The following CSMD1 variants were observed in gnomAD, a reference collection of about 807,000 sequenced individuals.
CSMD1 encodes CUB and Sushi multiple domains 1.
A neutral mutation model predicts 417.5 loss-of-function variants in CSMD1; 213 were observed. That is an observed-to-expected ratio of 0.51 (90% CI 0.46 to 0.57). The LOEUF (loss-of-function observed/expected upper bound fraction) is 0.57. Among genes scored for constraint, CSMD1 ranks in the 20% least tolerant of loss-of-function variants. The probability of loss-of-function intolerance (pLI) is 0.00; values close to 1 mark genes in which losing one functional copy is unlikely to be tolerated. For synonymous variants in CSMD1, 2,862 were observed against 1,736.8 expected (o/e 1.65, Z -16.11); for missense variants, 6,923 against 4,529.7 (o/e 1.53, Z -15.17).
intron 25 of CSMD1, among the ~76,000 whole-genome samples, chr8:3,287,981 A>G (rs1027656899): frequency 6.8e-5 from 10 of 146,990 alleles, no homozygotes; most frequent in Non-Finnish European, 1.0e-4. Context: ...CGTCCCATCA[A>G]TACCTTATTT....
intron 3 of CSMD1, among the ~76,000 whole-genome samples, chr8:4,194,629 C>G (rs947703123): frequency 6.6e-6 from 1 of 152,058 alleles, no homozygotes; most frequent in African/African-American, 2.4e-5. Flanking sequence ...TCATACATCT[C>G]CCACATTTTC....
At chr8:3,760,471 C>G (rs946029510) in intron 5 of CSMD1, among the ~76,000 whole-genome samples, 1 of 152,176 alleles carries the variant, frequency 6.6e-6, no homozygotes, top group Non-Finnish European at 1.5e-5. Context: ...TTGTACCATA[C>G]ATTTTAGGAT....
Position 3,203,803 on chromosome 8 carries a change from T to G in CSMD1, c.4984+1701A>C, listed in dbSNP as rs530419512. The stretch of plus-strand genomic sequence containing the variant: ...GCTTTTGGATGAGAATAGAGGAAAC[T>G]GGGTTATCTGAAGACCTGTCTTATT... On this transcript the variant is annotated intron_variant, in intron 31 of 69. Coordinates refer to ENST00000635120, the MANE Select transcript of CSMD1 (RefSeq NM_033225.6). Among the ~76,000 whole-genome samples the G allele has an allele frequency of 2.0e-5, 3 of 152,298 alleles. No homozygotes were observed. In the East Asian group the frequency reaches 5.8e-4, roughly 29 times the overall value.
At chr8:3,403,115 G>C (rs1812138909) in intron 15 of CSMD1, among the ~76,000 whole-genome samples, 1 of 152,130 alleles carries the variant, frequency 6.6e-6, no homozygotes. Context: ...GAATATTACA[G>C]GGCATGAGAC....
intron 3 of CSMD1, among the ~76,000 whole-genome samples, chr8:4,293,989 T>C (rs374465929): frequency 3.3e-5 from 5 of 152,200 alleles, no homozygotes; most frequent in South Asian, 2.1e-4. Flanking sequence ...ACTTACCAAA[T>C]AGTGTGTATA....
intron 3 of CSMD1, among the ~76,000 whole-genome samples, chr8:4,417,904 G>A (rs1414713590): frequency 6.6e-6 from 1 of 151,932 alleles, no homozygotes; most frequent in African/African-American, 2.4e-5. Flanking sequence ...AAGTTTATGT[G>A]TAAAGTATTT....
At chr8:4,957,881 A>C (rs1163133329) in intron 1 of CSMD1, among the ~76,000 whole-genome samples, 2 of 152,162 alleles carry the variant, frequency 1.3e-5, no homozygotes, top group Admixed American at 1.3e-4. Flanking sequence ...GCAATATGGA[A>C]GTGTGGATTG....
Position 4,272,368 on chromosome 8 carries a change from T to C in CSMD1, c.415+147585A>G, listed in dbSNP as rs150873521. Among the ~76,000 whole-genome samples the C allele has an allele frequency of 1.1e-4, 17 of 152,288 alleles. 1 individual carries two copies. The highest frequency in any genetic ancestry group is 3.6e-4 in the African/African-American group (15 of 41,568). On this transcript the variant is annotated intron_variant, in intron 3 of 69. Coordinates refer to ENST00000635120, the MANE Select transcript of CSMD1 (RefSeq NM_033225.6). ...TTATTCCACTAATTGCTGTACATCC[T>C]TTCACCTGAAGTCTCAGTTTCCAAG...
At chr8:4,417,861 CA>C (rs1188461222) in intron 3 of CSMD1, among the ~76,000 whole-genome samples, 1 of 151,878 alleles carries the variant, frequency 6.6e-6, no homozygotes, top group African/African-American at 2.4e-5. Context: ...GACCTTTTCC[CA>C]TGACATTTCC....
At chr8:3,802,692 T>G (rs1372992146) in intron 5 of CSMD1, among the ~76,000 whole-genome samples, 1 of 152,280 alleles carries the variant, frequency 6.6e-6, no homozygotes, top group South Asian at 2.1e-4. Flanking sequence ...CAAAACGCAA[T>G]AAAATATAGT....
At chr8:4,401,969 T>G (rs1023468395) in intron 3 of CSMD1, among the ~76,000 whole-genome samples, 1 of 152,110 alleles carries the variant, frequency 6.6e-6, no homozygotes, top group African/African-American at 2.4e-5. Flanking sequence ...ACTGGCTCCT[T>G]GAAAATTTCA....
chr8:4,121,004 G>A (rs371572557), intron 3 of CSMD1, among the ~76,000 whole-genome samples: 3 of 152,120 alleles, frequency 2.0e-5, no homozygotes, highest in Non-Finnish European at 4.4e-5. Context: ...CCTTTTGATG[G>A]CTTGGTTTAT....
At position 2,976,638 on chromosome 8, in the gene CSMD1, G is replaced by A. The variant is rs533704726; in HGVS notation, c.8566+1974C>T. On this transcript the variant is annotated intron_variant, in intron 55 of 69. Transcript: ENST00000635120. ...TGCTGGGATTACAGGTGTGAGTCAC[G>A]GCACCTGGCCTCCACTTTCTTTATG... Among the ~76,000 whole-genome samples the A allele has an allele frequency of 3.3e-5, 5 of 152,244 alleles. No individual in the cohort carries two copies. The South Asian group carries it at 6.2e-4, about 19-fold the overall frequency.
At chr8:4,732,277 C>T (rs1694199191) in intron 1 of CSMD1, among the ~76,000 whole-genome samples, 1 of 151,220 alleles carries the variant, frequency 6.6e-6, no homozygotes, top group African/African-American at 2.4e-5. Context: ...AGACACTCTG[C>T]TAGATTCTAG....
At chr8:4,238,114 A>G (rs1168745916) in intron 3 of CSMD1, among the ~76,000 whole-genome samples, 2 of 152,068 alleles carry the variant, frequency 1.3e-5, no homozygotes, top group African/African-American at 2.4e-5. Context: ...TTTTTCAGTC[A>G]TGTCTGCCCC....
At chr8:4,906,257 CT>C (rs1805268963) in intron 1 of CSMD1, among the ~76,000 whole-genome samples, 2 of 152,164 alleles carry the variant, frequency 1.3e-5, no homozygotes, top group Admixed American at 6.5e-5. Flanking sequence ...TTCCTGAACT[CT>C]TTTCCAAGTA....
At chr8:4,756,538 C>T (rs1811678287) in intron 1 of CSMD1, among the ~76,000 whole-genome samples, 1 of 152,092 alleles carries the variant, frequency 6.6e-6, no homozygotes, top group African/African-American at 2.4e-5. Context: ...TGGTCTACTC[C>T]AACGAGGTAT....
chr8:4,057,380 A>G (rs1394191141), intron 3 of CSMD1, among the ~76,000 whole-genome samples: 1 of 148,028 alleles, frequency 6.8e-6, no homozygotes, highest in African/African-American at 2.4e-5. Context: ...TGATGGGGTT[A>G]TTTGTTTTTT....
intron 2 of CSMD1, among the ~76,000 whole-genome samples, chr8:4,482,127 T>A (rs753910665): frequency 2.6e-5 from 4 of 152,140 alleles, no homozygotes; most frequent in African/African-American, 7.2e-5. Flanking sequence ...AGTTCAGGGG[T>A]ACATGAGCAG....
Sources: allele counts gnomAD v4.1 joint callset (sites outside exome capture counted in the v4.1 genomes callset), GRCh38; gene constraint gnomAD v4.1.1; transcripts MANE v1.5; gene names NCBI Gene and HGNC (gene_info 2026-07-23, HGNC 2026-07-21).